DCDC1: variants seen among roughly 807,000 people sequenced by gnomAD.
DCDC1 encodes doublecortin domain-containing protein 1.
Under a neutral mutation model 178.3 loss-of-function variants are expected in DCDC1, and 200 were observed. The observed-to-expected ratio is 1.12, with a 90% CI of 1.00 to 1.26. The LOEUF is 1.26. DCDC1 is among the 50% of genes most tolerant of loss of function. The pLI, the probability that DCDC1 is intolerant of heterozygous loss-of-function variation, is 0.00. For synonymous variants in DCDC1, 690 were observed against 604.8 expected, an observed-to-expected ratio of 1.14 and a Z score of -2.07; for missense variants, 1,983 against 1,749.2, an observed-to-expected ratio of 1.13 and a Z score of -2.38.
intron 7 of DCDC1, among the ~76,000 whole-genome samples, chr11:31,270,300 T>C (rs1326568627): frequency 6.6e-6 from 1 of 152,236 alleles, no homozygotes; most frequent in African/African-American, 2.4e-5. Flanking sequence ...ATAAAGTTTC[T>C]TGTAAAACAG....
chr11:30,976,118 C>T (rs1443883637), intron 20 of DCDC1, among the ~76,000 whole-genome samples: 1 of 151,938 alleles, frequency 6.6e-6, no homozygotes, highest in Non-Finnish European at 1.5e-5. Flanking sequence ...GAAAAGACAC[C>T]CTATTCAATA....
intron 9 of DCDC1, among the ~76,000 whole-genome samples, chr11:31,185,873 A>G (rs1356144427): frequency 6.6e-6 from 1 of 152,248 alleles, no homozygotes; most frequent in East Asian, 1.9e-4. Context: ...TGAAGCTTCA[A>G]GGGACAACCA....
At chr11:30,975,861 T>A (rs565748243) in intron 20 of DCDC1, among the ~76,000 whole-genome samples, 70 of 151,958 alleles carry the variant, frequency 4.6e-4, no homozygotes, top group African/African-American at 1.7e-3. Context: ...GAAAAAAAAT[T>A]CTAAAATTCA....
intron 21 of DCDC1, among the ~76,000 whole-genome samples, chr11:30,936,041 C>A (rs976188977): frequency 1.3e-5 from 2 of 151,988 alleles, no homozygotes; most frequent in Admixed American, 1.3e-4. Flanking sequence ...GGGACCTTCC[C>A]AGTTTAGGTG....
At chr11:30,914,535 C>A (rs191410692) in intron 27 of DCDC1, among the ~76,000 whole-genome samples, 4 of 151,782 alleles carry the variant, frequency 2.6e-5, no homozygotes, top group Admixed American at 2.6e-4. Context: ...TGGAGGCCCA[C>A]CATATCACAC....
intron 8 of DCDC1, among the ~76,000 whole-genome samples, chr11:31,248,334 T>C (rs1184626736): frequency 6.6e-6 from 1 of 151,956 alleles, no homozygotes; most frequent in East Asian, 1.9e-4. Context: ...AAGTAAAACA[T>C]AGGAATAAGA....
chr11:31,328,230 G>C lies in DCDC1; in HGVS notation c.51C>G (p.Ser17=). ...EDHREALSQS[S]LSLLTEAMEV... ...CCATTGCTTCAGTCAAGAGGGATAAGGAAGACTGAGATAGTGCTTCTCTGT... is the reference window on the plus strand; with the variant it reads ...CCATTGCTTCAGTCAAGAGGGATAACGAAGACTGAGATAGTGCTTCTCTGT... The change falls in exon 3 of 39, where the codon TCC becomes TCG. Residue 17 remains serine (S), a synonymous_variant. Coordinates refer to ENST00000684477, the MANE Select transcript of DCDC1 (RefSeq NM_001387274.1). 1 of 1,607,352 alleles carries C rather than the reference G, an allele frequency of 6.2e-7. No individual in the cohort carries two copies. The highest frequency in any genetic ancestry group is 1.1e-5 in the South Asian group (1 of 90,234).
At chr11:31,008,189 G>C (rs1461252389) in intron 20 of DCDC1, among the ~76,000 whole-genome samples, 9 of 152,186 alleles carry the variant, frequency 5.9e-5, no homozygotes, top group Admixed American at 5.9e-4. Flanking sequence ...GGATTATGTG[G>C]ATTAGGAAGT....
chr11:31,049,706 G>T (rs1955107810), intron 20 of DCDC1, among the ~76,000 whole-genome samples: 1 of 152,172 alleles, frequency 6.6e-6, no homozygotes, highest in Non-Finnish European at 1.5e-5. Flanking sequence ...AGTGGGAAAG[G>T]GAGACCCTCC....
intron 15 of DCDC1, among the ~76,000 whole-genome samples, chr11:31,098,943 A>G (rs967714319): frequency 2.0e-4 from 30 of 152,252 alleles, no homozygotes; most frequent in African/African-American, 6.8e-4. Context: ...GCCATAGCAT[A>G]TAACCATTTA....
chr11:31,055,925 C>A (rs1955558385), intron 20 of DCDC1, among the ~76,000 whole-genome samples: 1 of 151,848 alleles, frequency 6.6e-6, no homozygotes, highest in Non-Finnish European at 1.5e-5. Flanking sequence ...GATGGGTGCA[C>A]CAAAATCTCA....
At chr11:30,882,655 C>A (rs1163860854) in intron 36 of DCDC1, 4 of 152,054 alleles carry the variant, frequency 2.6e-5, no homozygotes, top group Non-Finnish European at 5.9e-5. Context: ...AAGTAGATGT[C>A]TAGGGTCACC....
At chr11:30,898,705 ATTC>A (rs1169731587) in intron 34 of DCDC1, among the ~76,000 whole-genome samples, 1 of 152,184 alleles carries the variant, frequency 6.6e-6, no homozygotes, top group Non-Finnish European at 1.5e-5. Context: ...CTTACACCCA[ATTC>A]TTCTTTTGGT....
chr11:31,208,711 T>C (rs1972147013), intron 9 of DCDC1, among the ~76,000 whole-genome samples: 1 of 152,158 alleles, frequency 6.6e-6, no homozygotes, highest in Admixed American at 6.5e-5. Flanking sequence ...GCCTTATTCC[T>C]CTGCTCCTCA....
chr11:31,285,405 T>C (rs1946749976), intron 7 of DCDC1, among the ~76,000 whole-genome samples: 1 of 152,154 alleles, frequency 6.6e-6, no homozygotes, highest in Non-Finnish European at 1.5e-5. Context: ...TCGGAATCCA[T>C]GTTGAGCATC....
chr11:31,002,823 A>C (rs1267455140), intron 20 of DCDC1, among the ~76,000 whole-genome samples: 3 of 152,128 alleles, frequency 2.0e-5, no homozygotes, highest in Non-Finnish European at 4.4e-5. Context: ...ATGTCACCAA[A>C]ATTATATCCT....
At chr11:31,313,426 A>G (rs955644396) in intron 3 of DCDC1, among the ~76,000 whole-genome samples, 1 of 152,176 alleles carries the variant, frequency 6.6e-6, no homozygotes, top group Non-Finnish European at 1.5e-5. Context: ...GAATAGGTGC[A>G]TCTGTCTTTC....
chr11:31,139,623 G>A (rs1353847932), intron 9 of DCDC1, among the ~76,000 whole-genome samples: 1 of 152,158 alleles, frequency 6.6e-6, no homozygotes, highest in African/African-American at 2.4e-5. Flanking sequence ...CAAAAACAGA[G>A]CCATGAAACT....
chr11:31,133,490 G>C (rs1340119468), intron 10 of DCDC1, among the ~76,000 whole-genome samples: 1 of 152,138 alleles, frequency 6.6e-6, no homozygotes, highest in Non-Finnish European at 1.5e-5. Context: ...CTTGGTTTCA[G>C]GGCCAATAAT....
Sources: gnomAD v4.1 joint callset for allele counts (sites outside exome capture counted in the v4.1 genomes callset) on GRCh38, gnomAD v4.1.1 for gene constraint, MANE v1.5 for transcripts, NCBI Gene and HGNC (gene_info 2026-07-23, HGNC 2026-07-21) for gene names.